The following RALGPS1 variants were observed in gnomAD, a reference collection of about 807,000 sequenced individuals.
The protein encoded by RALGPS1 is Ral GEF with PH domain and SH3 binding motif 1.
Under a neutral mutation model 78.8 loss-of-function variants are expected in RALGPS1, and 19 were observed. The observed-to-expected ratio is 0.24, with a 90% CI of 0.17 to 0.35. The LOEUF is 0.35. RALGPS1 is among the 10% of genes least tolerant of loss of function. The pLI, the probability that RALGPS1 is intolerant of heterozygous loss-of-function variation, is 1.00. For missense variants in RALGPS1, 454 were observed against 688.3 expected, an observed-to-expected ratio of 0.66 and a Z score of 3.81; for synonymous variants, 228 against 256.3, an observed-to-expected ratio of 0.89 and a Z score of 1.06.
At chr9:126,931,072 C>T (rs1186901817) in intron 1 of RALGPS1, among the ~76,000 whole-genome samples, 1 of 152,120 alleles carries the variant, frequency 6.6e-6, no homozygotes, top group Non-Finnish European at 1.5e-5. Flanking sequence ...AGTCAGAGAC[C>T]CAGGTTCCTT....
chr9:127,148,993 A>G (rs749826422), intron 8 of RALGPS1, among the ~76,000 whole-genome samples: 1 of 152,172 alleles, frequency 6.6e-6, no homozygotes, highest in Non-Finnish European at 1.5e-5. Context: ...CAGTGACCTC[A>G]TATACACCTC....
At chr9:127,034,901 A>G (rs577046188) in intron 5 of RALGPS1, among the ~76,000 whole-genome samples, 21 of 151,978 alleles carry the variant, frequency 1.4e-4, no homozygotes, top group Admixed American at 2.0e-4. Flanking sequence ...GTCAGGCCCC[A>G]TGTGTGTGGT....
intron 4 of RALGPS1, among the ~76,000 whole-genome samples, chr9:127,019,656 T>A (rs1160849711): frequency 6.6e-6 from 1 of 152,146 alleles, no homozygotes; most frequent in Non-Finnish European, 1.5e-5. Context: ...TGCTTACTAA[T>A]AATATTCCAT....
intron 8 of RALGPS1, among the ~76,000 whole-genome samples, chr9:127,108,977 A>T (rs1036470807): frequency 6.6e-6 from 1 of 152,146 alleles, no homozygotes; most frequent in African/African-American, 2.4e-5. Context: ...GCCCCAGCAG[A>T]GGTAGAAGGG....
intron 11 of RALGPS1, among the ~76,000 whole-genome samples, chr9:127,185,199 CCAAAG>C (rs1465547085): frequency 6.6e-6 from 1 of 152,198 alleles, no homozygotes; most frequent in Non-Finnish European, 1.5e-5. Flanking sequence ...TGCTCTCCAA[CCAAAG>C]CAAACTTTCT....
chr9:127,034,476 G>A lies in RALGPS1; in HGVS notation c.262G>A (p.Ala88Thr), dbSNP rs1158612554. ...GWSKKEKHSL[A>T]PNVVAFTRRF... ...GAGTAAGAAGGAGAAACACAGTCTT[G>A]CCCCTAACGTTGTGGCCTTTACCCG... Residue 88 changes from alanine (A) to threonine (T), a missense_variant, in exon 5 of 19, where the codon GCC becomes ACC. Coordinates refer to ENST00000259351, the MANE Select transcript of RALGPS1 (RefSeq NM_014636.3). 2 of 1,614,088 alleles carry A rather than the reference G, an allele frequency of 1.2e-6. No individual in the cohort carries two copies. The highest frequency in any genetic ancestry group is 1.7e-5 in the Admixed American group (1 of 60,026).
chr9:127,075,513 A>G (rs530361098), intron 8 of RALGPS1, among the ~76,000 whole-genome samples: 15 of 152,312 alleles, frequency 9.8e-5, no homozygotes, highest in South Asian at 8.3e-4. Context: ...CAAAAATGCA[A>G]CCTGTCCCAG....
intron 4 of RALGPS1, among the ~76,000 whole-genome samples, chr9:126,980,671 C>T (rs760359372): frequency 1.3e-5 from 2 of 152,000 alleles, no homozygotes; most frequent in Non-Finnish European, 1.5e-5. Flanking sequence ...TTTTTTCTTG[C>T]GTAGTTACTA....
chr9:127,190,853 C>T (rs1391534831), intron 11 of RALGPS1, among the ~76,000 whole-genome samples: 2 of 152,200 alleles, frequency 1.3e-5, no homozygotes, highest in African/African-American at 4.8e-5. Context: ...TCATATAAGC[C>T]CCAAACTAGA....
intron 1 of RALGPS1, among the ~76,000 whole-genome samples, chr9:126,939,185 G>A (rs1199714096): frequency 6.6e-6 from 1 of 152,162 alleles, no homozygotes; most frequent in Non-Finnish European, 1.5e-5. Context: ...TGTCTGTCAA[G>A]GCACCTTCTC....
chr9:127,201,485 T>C (rs1289143821), intron 14 of RALGPS1, among the ~76,000 whole-genome samples: 4 of 152,244 alleles, frequency 2.6e-5, no homozygotes. Context: ...CATCCTGCAC[T>C]GCTTCTTACA....
rs548714640 is a variant in RALGPS1, at chr9:127,011,168, C to T, written c.217-23263C>T. Among the ~76,000 whole-genome samples the T allele has an allele frequency of 7.2e-5, 11 of 152,148 alleles. No homozygotes were observed. The South Asian group carries it at 2.3e-3, about 32-fold the overall frequency. ...AGGGTGTTCCTAGACCGAGAGCCCA[C>T]CACCCCCCAGCCCGCCTTTTTTTTT... On this transcript the variant is annotated intron_variant, in intron 4 of 18. Transcript: ENST00000259351.
chr9:127,199,173 AGGCTGCTCTGT>A, intron 14 of RALGPS1, 107 bp downstream of exon 14: 1 of 1,026,200 alleles, frequency 9.7e-7, no homozygotes, highest in Non-Finnish European at 1.5e-6. Context: ...CCACCCCATG[AGGCTGCTCTGT>A]GGCTCCTTCA....
rs543765018 is a variant in RALGPS1 at position 127,146,774 on chromosome 9, T to C, written c.611-19295T>C. Among the ~76,000 whole-genome samples, 8 of 152,204 alleles carry C rather than the reference T, an allele frequency of 5.3e-5. No individual in the cohort carries two copies. In the South Asian group the frequency reaches 8.3e-4, roughly 16 times the overall value. Reference sequence around the variant, plus strand: ...GGCCAGGCTGGTCTCAAACTCCTGATCTCAAGTGATCCTCCTGCCTCAGCT... The same window carrying C: ...GGCCAGGCTGGTCTCAAACTCCTGACCTCAAGTGATCCTCCTGCCTCAGCT... On this transcript the variant is annotated intron_variant, in intron 8 of 18. Transcript: ENST00000259351.
intron 8 of RALGPS1, among the ~76,000 whole-genome samples, chr9:127,077,269 G>A (rs570608689): frequency 5.9e-5 from 9 of 152,168 alleles, no homozygotes; most frequent in Non-Finnish European, 1.3e-4. Context: ...ATGAGTCACT[G>A]TATTTCAGAA....
At chr9:127,027,077 A>G (rs1227906169) in intron 4 of RALGPS1, among the ~76,000 whole-genome samples, 5 of 152,224 alleles carry the variant, frequency 3.3e-5, no homozygotes, top group African/African-American at 1.2e-4. Flanking sequence ...GCCTGACTTC[A>G]CCACCTCTGT....
intron 8 of RALGPS1, among the ~76,000 whole-genome samples, chr9:127,138,298 T>C (rs2057535233): frequency 6.6e-6 from 1 of 152,192 alleles, no homozygotes. Flanking sequence ...GGCAGCAATT[T>C]GTCCGTGGCT....
chr9:127,124,698 G>A (rs2056475349), intron 8 of RALGPS1, among the ~76,000 whole-genome samples: 1 of 152,204 alleles, frequency 6.6e-6, no homozygotes, highest in South Asian at 2.1e-4. Context: ...GAGAAGATGG[G>A]GTCTTGTTAG....
At chr9:126,947,704 C>T (rs1182922788) in intron 1 of RALGPS1, among the ~76,000 whole-genome samples, 1 of 152,142 alleles carries the variant, frequency 6.6e-6, no homozygotes, top group African/African-American at 2.4e-5. Context: ...CTGTAGCTGC[C>T]TTGTTTTGTG....
Sources: allele counts gnomAD v4.1 joint callset (sites outside exome capture counted in the v4.1 genomes callset), GRCh38; gene constraint gnomAD v4.1.1; transcripts MANE v1.5; gene names NCBI Gene and HGNC (gene_info 2026-07-23, HGNC 2026-07-21).